Variants in GLMN observed in about 807,000 individuals in gnomAD.
GLMN encodes the protein glomulin.
A neutral mutation model predicts 87.8 loss-of-function variants in GLMN; 75 were observed. The observed-to-expected ratio is 0.85, with a 90% CI of 0.71 to 1.04. The LOEUF is 1.04. Among genes scored for constraint, GLMN ranks in the 50% least tolerant of loss-of-function variants. The pLI, the probability that GLMN is intolerant of heterozygous loss-of-function variation, is 0.00. For synonymous variants in GLMN, 206 were observed against 221.6 expected (o/e 0.93, Z 0.63); for missense variants, 588 against 658.8 (o/e 0.89, Z 1.18).
At chr1:92,366,600 TC>T in the GLMN span, among the ~76,000 whole-genome samples, 1 of 152,170 alleles carries the variant, frequency 6.6e-6, no homozygotes, top group Admixed American at 6.5e-5. Context: ...TGGAGTTGAA[TC>T]TTCTGCCTTT....
chr1:92,307,223 GT>G, the GLMN span: 4 of 1,612,130 alleles, frequency 2.5e-6, no homozygotes, highest in African/African-American at 5.3e-5. Context: ...AAGCATCTAA[GT>G]TTTTTGAAGC....
the GLMN span, among the ~76,000 whole-genome samples, chr1:92,363,169 C>G: frequency 2.6e-5 from 4 of 152,102 alleles, no homozygotes; most frequent in Admixed American, 6.6e-5. Context: ...AGTCAGTAAA[C>G]GTTGGCTTCT....
At chr1:92,351,229 C>T in the GLMN span, among the ~76,000 whole-genome samples, 8 of 143,800 alleles carry the variant, frequency 5.6e-5, no homozygotes, top group Admixed American at 4.4e-4. Flanking sequence ...ACCGCTTGAA[C>T]CAGGGAGTCA....
chr1:92,260,033 C>G (rs1654826308), intron 16 of GLMN, among the ~76,000 whole-genome samples: 1 of 152,026 alleles, frequency 6.6e-6, no homozygotes, highest in Non-Finnish European at 1.5e-5. Flanking sequence ...CCACGCCCAG[C>G]CCATTTTGTT....
intron 3 of GLMN, among the ~76,000 whole-genome samples, chr1:92,294,691 T>C (rs1297675376): frequency 1.3e-5 from 2 of 152,142 alleles, no homozygotes; most frequent in Non-Finnish European, 2.9e-5. Flanking sequence ...TTTGTTGTTG[T>C]TGTTGTTGAG....
chr1:92,313,946 T>C, the GLMN span, among the ~76,000 whole-genome samples: 1 of 152,228 alleles, frequency 6.6e-6, no homozygotes, highest in Non-Finnish European at 1.5e-5. Flanking sequence ...CCTATTCTTC[T>C]GCAGCTTCCT....
At chr1:92,315,142 T>C in the GLMN span, among the ~76,000 whole-genome samples, 1 of 152,158 alleles carries the variant, frequency 6.6e-6, no homozygotes, top group South Asian at 2.1e-4. Context: ...GGAAAAGCAG[T>C]ATTCAATGTC....
the GLMN span, among the ~76,000 whole-genome samples, chr1:92,348,672 C>CT: frequency 1.3e-5 from 2 of 152,238 alleles, no homozygotes; most frequent in South Asian, 2.1e-4. Flanking sequence ...AACTGATAGA[C>CT]TTTTTTTATC....
At chr1:92,295,071 T>G (rs1024387461) in intron 3 of GLMN, among the ~76,000 whole-genome samples, 2 of 152,274 alleles carry the variant, frequency 1.3e-5, no homozygotes, top group African/African-American at 4.8e-5. Context: ...CTATTAAGAC[T>G]AAGCCTCACA....
chr1:92,300,045 G>C (rs1282549526), upstream of GLMN: 24 of 595,474 alleles, frequency 4.0e-5, no homozygotes, highest in East Asian at 6.6e-4. Flanking sequence ...GCATGTTACT[G>C]TACTAAGTAC....
At chr1:92,255,035 T>C (rs1427762658) in intron 16 of GLMN, among the ~76,000 whole-genome samples, 1 of 150,014 alleles carries the variant, frequency 6.7e-6, no homozygotes, top group Non-Finnish European at 1.5e-5. Flanking sequence ...AAGACACACA[T>C]AGGCTCAAAA....
the GLMN span, chr1:92,333,258 ATTCTCAAG>A: frequency 1.5e-6 from 1 of 649,058 alleles, no homozygotes. Flanking sequence ...TTTAAATCTA[ATTCTCAAG>A]TCTAGTTATT....
In GLMN at chr1:92,246,563, C is replaced by A. The variant is rs567089191; in HGVS notation, c.1752G>T (p.Lys584Asn). The change falls in exon 19 of 19, where the codon AAG becomes AAT. Residue 584 changes from lysine to asparagine, a missense_variant. Physicochemically the swap from Lys to Asn is moderately conservative, Grantham distance 94. Coordinates refer to ENST00000370360, the MANE Select transcript of GLMN (RefSeq NM_053274.3). ...RVEELIEIKT[K>N]STSEENIGIK ...TCCCAATATTTTCTTCAGAGGTAGA[C>A]TTTGTTTTTATTTCAATGAGTTCTT... The A allele has an allele frequency of 2.6e-6, 4 of 1,540,394 alleles. No individual in the cohort carries two copies. The highest frequency in any genetic ancestry group is 1.7e-4 in the Middle Eastern group (1 of 5,876).
chr1:92,342,394 G>A, the GLMN span, among the ~76,000 whole-genome samples: 1 of 152,200 alleles, frequency 6.6e-6, no homozygotes, highest in Non-Finnish European at 1.5e-5. Context: ...CAAGAGTAGA[G>A]AGATATGTGG....
At chr1:92,293,001 G>A (rs1018934763) in intron 3 of GLMN, among the ~76,000 whole-genome samples, 1 of 151,764 alleles carries the variant, frequency 6.6e-6, no homozygotes, top group South Asian at 2.1e-4. Context: ...CAGCCTGGGT[G>A]ACAGAGACAG....
the GLMN span, among the ~76,000 whole-genome samples, chr1:92,313,115 C>T: frequency 6.6e-6 from 1 of 152,194 alleles, no homozygotes; most frequent in African/African-American, 2.4e-5. Flanking sequence ...AATCCACGCA[C>T]CTTGGCTTCC....
intron 16 of GLMN, among the ~76,000 whole-genome samples, chr1:92,256,708 T>C (rs1008702720): frequency 1.3e-5 from 2 of 152,196 alleles, no homozygotes; most frequent in East Asian, 3.8e-4. Context: ...TCAACAGCCC[T>C]TCATGCTAAA....
chr1:92,332,522 C>T, the GLMN span, among the ~76,000 whole-genome samples: 4 of 152,030 alleles, frequency 2.6e-5, no homozygotes, highest in African/African-American at 9.7e-5. Flanking sequence ...ACAGAGATAA[C>T]TGGAGACTCA....
At chr1:92,309,572 TATACATATACATACACATACACATAC>T in the GLMN span, among the ~76,000 whole-genome samples, 19 of 24,522 alleles carry the variant, frequency 7.7e-4, no homozygotes, top group African/African-American at 2.4e-3. Context: ...CACATACACA[TATACATATACATACACATACACATAC>T]ACATACACAT....
Sources: gnomAD v4.1 joint callset for allele counts (sites outside exome capture counted in the v4.1 genomes callset) on GRCh38, gnomAD v4.1.1 for gene constraint, MANE v1.5 for transcripts, NCBI Gene and HGNC (gene_info 2026-07-23, HGNC 2026-07-21) for gene names.